MPZL1: variants seen among roughly 807,000 people sequenced by gnomAD.
MPZL1 encodes the protein myelin protein zero-like protein 1.
MPZL1 carries 16 observed loss-of-function variants against 29.3 expected under a neutral mutation model. The ratio of observed to expected loss-of-function variants is 0.55; its 90% confidence interval spans 0.37 to 0.83. The LOEUF (loss-of-function observed/expected upper bound fraction) is 0.83. Ranked by LOEUF, MPZL1 falls within the 40% of genes least tolerant of loss-of-function variation. The pLI is 0.00. For synonymous variants in MPZL1, 143 were observed against 132.0 expected (o/e 1.08, Z -0.57); for missense variants, 279 against 332.9 (o/e 0.84, Z 1.26).
intron 2 of MPZL1, among the ~76,000 whole-genome samples, chr1:167,768,731 A>T (rs1661173434): frequency 6.6e-6 from 1 of 152,228 alleles, no homozygotes; most frequent in East Asian, 1.9e-4. Context: ...AGATAAATAC[A>T]TCTTATCCTC....
At chr1:167,763,168 C>T (rs375771629) in intron 1 of MPZL1, among the ~76,000 whole-genome samples, 8 of 152,058 alleles carry the variant, frequency 5.3e-5, no homozygotes, top group East Asian at 1.9e-4. Flanking sequence ...AATAATGTCT[C>T]GGGATGACAA....
chr1:167,745,108 G>T (rs991014026), intron 1 of MPZL1, among the ~76,000 whole-genome samples: 1 of 152,092 alleles, frequency 6.6e-6, no homozygotes, highest in Non-Finnish European at 1.5e-5. Flanking sequence ...TCCTTTTATG[G>T]TGATAAGTTG....
intron 5 of MPZL1, among the ~76,000 whole-genome samples, chr1:167,782,032 G>A (rs929137): frequency 0.43 from 65,148 of 151,752 alleles, 14,394 homozygotes; most frequent in Non-Finnish European, 0.48. Context: ...TATGCTCTAA[G>A]TCTCTTAACC....
intron 5 of MPZL1, among the ~76,000 whole-genome samples, chr1:167,781,160 G>A (rs1465397896): frequency 6.6e-6 from 1 of 152,140 alleles, no homozygotes; most frequent in Admixed American, 6.5e-5. Context: ...ATCATAGTTG[G>A]AGGTTTCAAC....
At chr1:167,727,412 A>G (rs1459405025) in intron 1 of MPZL1, among the ~76,000 whole-genome samples, 1 of 152,188 alleles carries the variant, frequency 6.6e-6, no homozygotes, top group African/African-American at 2.4e-5. Flanking sequence ...GTGTACCTCA[A>G]CCTTGGAAAG....
In MPZL1 at chr1:167,788,733, G is replaced by C. The variant is rs1661642631; in HGVS notation, c.*812G>C. 6.6e-6 allele frequency: 1 copy of C among 152,096 alleles called. No individual in the cohort carries two copies. The highest frequency in any genetic ancestry group is 2.4e-5 in the African/African-American group (1 of 41,402). The allele number at this position is 152,096 out of a possible 1,614,324, so 9.4% of individuals were successfully genotyped here. A position where few individuals can be genotyped will look rare whatever the true frequency, so the allele number is the denominator to read the frequency against. On this transcript the variant is annotated 3_prime_UTR_variant, in exon 6 of 6. Transcript: ENST00000359523. Reference sequence around the variant, plus strand: ...GTAAAAAGTATCGGTTTTATTCTTTGCTGATGTCCTTTCTGCTTGAAATAA... The same window carrying C: ...GTAAAAAGTATCGGTTTTATTCTTTCCTGATGTCCTTTCTGCTTGAAATAA...
chr1:167,740,511 C>T (rs902884307), intron 1 of MPZL1, among the ~76,000 whole-genome samples: 1 of 152,162 alleles, frequency 6.6e-6, no homozygotes, highest in Admixed American at 6.5e-5. Flanking sequence ...GTTTTCTTCC[C>T]CTCTCACAGT....
chr1:167,769,783 G>A (rs1315644706), intron 2 of MPZL1, among the ~76,000 whole-genome samples: 1 of 152,196 alleles, frequency 6.6e-6, no homozygotes, highest in African/African-American at 2.4e-5. Flanking sequence ...CATTGTGGAA[G>A]ATGATGAGTT....
chr1:167,722,692 T>G (rs1459206173), intron 1 of MPZL1, among the ~76,000 whole-genome samples: 1 of 152,228 alleles, frequency 6.6e-6, no homozygotes, highest in Non-Finnish European at 1.5e-5. Flanking sequence ...TTTTCATTTG[T>G]AGGGCCTTTG....
chr1:167,771,595 T>C (rs1345619760), intron 2 of MPZL1, among the ~76,000 whole-genome samples: 11 of 152,038 alleles, frequency 7.2e-5, no homozygotes, highest in Non-Finnish European at 8.8e-5. Flanking sequence ...GCTCCTCACT[T>C]CCCAGACGGG....
At chr1:167,722,299 C>T (rs1660048065) in intron 1 of MPZL1, 57 bp downstream of exon 1, 1 of 1,232,400 alleles carries the variant, frequency 8.1e-7, no homozygotes, top group Non-Finnish European at 1.0e-6. Flanking sequence ...GGGCCCGACA[C>T]ACGCCCATCG....
intron 1 of MPZL1, among the ~76,000 whole-genome samples, chr1:167,734,188 A>G (rs1660330143): frequency 6.6e-6 from 1 of 151,520 alleles, no homozygotes; most frequent in South Asian, 2.1e-4. Flanking sequence ...CCCAGGAGGC[A>G]GAGCTTGCAA....
chr1:167,755,800 T>C (rs1660858391), intron 1 of MPZL1, among the ~76,000 whole-genome samples: 1 of 152,204 alleles, frequency 6.6e-6, no homozygotes. Flanking sequence ...TGTAGATGTT[T>C]GTTTATTTGT....
intron 3 of MPZL1, among the ~76,000 whole-genome samples, chr1:167,772,861 C>T (rs1661281214): frequency 6.6e-6 from 1 of 152,208 alleles, no homozygotes; most frequent in Non-Finnish European, 1.5e-5. Context: ...AAGCTTTCAA[C>T]AACAGCACAG....
Position 167,773,244 on chromosome 1 carries a change from C to T in MPZL1, c.481C>T (p.Pro161Ser). The T allele has an allele frequency of 6.2e-7, 1 of 1,612,702 alleles. No individual in the cohort carries two copies. Among genetic ancestry groups the T allele is most frequent in the South Asian group, 1.1e-5 (1 of 90,928 alleles). The part of the protein sequence containing the change: ...RLYVVEKENL[P>S]VFPVWVVVGI... ...TTGTTCTTTCTCTCTAGAGAATTTG[C>T]CTGTGTTTCCAGTTTGGGTAGTGGT... Residue 161 changes from proline to serine, a missense_variant, in exon 4 of 6, where the codon CCT (proline) becomes TCT (serine). Coordinates refer to ENST00000359523, the MANE Select transcript of MPZL1 (RefSeq NM_003953.6).
chr1:167,735,685 T>G (rs1660363392), intron 1 of MPZL1, among the ~76,000 whole-genome samples: 1 of 152,170 alleles, frequency 6.6e-6, no homozygotes, highest in South Asian at 2.1e-4. Context: ...CCAAAGGCGG[T>G]CTGCTGGCAG....
At chr1:167,749,825 A>G (rs554861487) in intron 1 of MPZL1, among the ~76,000 whole-genome samples, 1 of 152,340 alleles carries the variant, frequency 6.6e-6, no homozygotes, top group South Asian at 2.1e-4. Flanking sequence ...ATTAGAGGTG[A>G]AATAGAGGCT....
intron 5 of MPZL1, among the ~76,000 whole-genome samples, chr1:167,777,278 T>A (rs1235506803): frequency 1.3e-5 from 2 of 152,190 alleles, no homozygotes; most frequent in East Asian, 3.8e-4. Flanking sequence ...CTTGAAGCAC[T>A]ATGGAAGTTG....
chr1:167,782,799 G>A (rs970805869), intron 5 of MPZL1, among the ~76,000 whole-genome samples: 2 of 152,154 alleles, frequency 1.3e-5, no homozygotes, highest in Non-Finnish European at 2.9e-5. Context: ...GGAGAGACTG[G>A]AAGATGCTAT....
Sources: allele counts gnomAD v4.1 joint callset (sites outside exome capture counted in the v4.1 genomes callset), GRCh38; gene constraint gnomAD v4.1.1; transcripts MANE v1.5; gene names NCBI Gene and HGNC (gene_info 2026-07-23, HGNC 2026-07-21).